Variants in VWA7 observed in about 807,000 individuals in gnomAD.
VWA7 encodes the protein von Willebrand factor A domain containing 7.
Under a neutral mutation model 83.1 loss-of-function variants are expected in VWA7, and 66 were observed. The ratio of observed to expected loss-of-function variants is 0.79; its 90% CI spans 0.65 to 0.98. VWA7 has a LOEUF of 0.98. VWA7 is among the 50% of genes least tolerant of loss of function. The probability of loss-of-function intolerance (pLI) is 0.00; values close to 1 mark genes in which losing one functional copy is unlikely to be tolerated. For synonymous variants in VWA7, 424 were observed against 488.5 expected (o/e 0.87, Z 1.74); for missense variants, 1,080 against 1,160.2 (o/e 0.93, Z 1.00).
chr6:31,776,014 C>A lies in VWA7; in HGVS notation c.463G>T (p.Asp155Tyr), dbSNP rs778102544. 2.9e-5 allele frequency: 47 copies of A among 1,613,132 alleles called. No individual in the cohort carries two copies. The highest frequency in any genetic ancestry group is 3.9e-5 in the Non-Finnish European group (46 of 1,179,978). ...AGGCGCTGGCGAGCCAGGGTGTGGT[C>A]AAGGGCCCTGGCTGCCACCACGGTC... ...RETVVAARAL[D>Y]HTLARQRLGA... is the part of the protein sequence containing the mutation. Residue 155 changes from aspartate to tyrosine, a missense_variant, in exon 3 of 17, where the codon GAC becomes TAC. Coordinates refer to ENST00000375688, the MANE Select transcript of VWA7 (RefSeq NM_025258.3). The surrounding 1 kb of genome is among the most constrained non-coding windows in gnomAD (Gnocchi z 6.2).
Position 31,769,369 on chromosome 6 carries a change from C to A in VWA7, c.1318-166G>T, listed in dbSNP as rs1811947852. ...GAATCCCAATGACAGAACCCCCTGCCTTCAGTTAGTAGTTGGCCACCCCCT... is the reference window on the plus strand; with the variant it reads ...GAATCCCAATGACAGAACCCCCTGCATTCAGTTAGTAGTTGGCCACCCCCT... On this transcript the variant is annotated intron_variant, in intron 9 of 16. Transcript: ENST00000375688. This position sits in a 1 kb window ranked among gnomAD's most constrained non-coding sequence, Gnocchi z 4.5. 6.6e-6 allele frequency among the ~76,000 whole-genome samples: 1 copy of A among 152,168 alleles called. No homozygotes were observed. The highest frequency in any genetic ancestry group is 2.1e-4 in the South Asian group (1 of 4,826).
In VWA7 at chr6:31,776,639, G is replaced by T; in HGVS notation, c.141C>A (p.Asp47Glu). The T allele has an allele frequency of 6.5e-7, 1 of 1,548,478 alleles. No individual in the cohort carries two copies. The highest frequency in any genetic ancestry group is 8.7e-7 in the Non-Finnish European group (1 of 1,145,742). The change falls in exon 2 of 17, where the codon GAC becomes GAA. Residue 47 changes from aspartate (D) to glutamate (E), a missense_variant. Coordinates refer to ENST00000375688, the MANE Select transcript of VWA7 (RefSeq NM_025258.3). This position sits in a 1 kb window ranked among gnomAD's most constrained non-coding sequence, Gnocchi z 6.2. ...LAAPGSITHQ[D>E]LTEEAALNVT... ...CGTTGAGCGCTGCCTCCTCAGTTAG[G>T]TCTTGGTGGGTGATGGAGCCAGGGG...
chr6:31,767,629 G>A lies in VWA7; in HGVS notation c.1629C>T (p.Asn543=), dbSNP rs1474222065. 2 of 1,611,230 alleles carry A rather than the reference G, an allele frequency of 1.2e-6. No individual in the cohort carries two copies. Among genetic ancestry groups the A allele is most frequent in the Non-Finnish European group, 1.7e-6 (2 of 1,177,660 alleles). ...CTCTACCTTCAGAGGTACCTGCAGG[G>A]TTCTTGATCCAGAAGCTGCTGATGT... ...HGDISSFWIK[N]PAGVSQGQEE... Residue 543 remains asparagine, a synonymous_variant, in exon 11 of 17, where the codon AAC becomes AAT. Coordinates refer to ENST00000375688, the MANE Select transcript of VWA7 (RefSeq NM_025258.3).
chr6:31,769,235 T>C lies in VWA7; in HGVS notation c.1318-32A>G. On this transcript the variant is annotated intron_variant, in intron 9 of 16. Transcript: ENST00000375688. The surrounding 1 kb of genome is among the most constrained non-coding windows in gnomAD (Gnocchi z 4.5). ...CCAGAAGAGAGCTCAGTGATTGGGG[T>C]GTCCAAGTGCCATCCACTATTATGA... The C allele has an allele frequency of 6.3e-7, 1 of 1,596,918 alleles. No homozygotes were observed. The highest frequency in any genetic ancestry group is 8.5e-7 in the Non-Finnish European group (1 of 1,171,458).
At position 31,766,224 on chromosome 6, in the gene VWA7, T is replaced by C. The variant is rs1348328767; in HGVS notation, c.2324+21A>G. On this transcript the variant is annotated intron_variant, in intron 15 of 16. Coordinates refer to ENST00000375688, the MANE Select transcript of VWA7 (RefSeq NM_025258.3). The surrounding 1 kb of genome is among the most constrained non-coding windows in gnomAD (Gnocchi z 4.9). ...GGCCGGGCAAGATGCCAGAGGGAGC[T>C]GGAGGGTTCATGAGCCTCACCTGGA... is the stretch of plus-strand genomic sequence containing the variant. 1.9e-6 allele frequency: 3 copies of C among 1,610,832 alleles called. No homozygotes were observed. The highest frequency in any genetic ancestry group is 1.7e-5 in the Admixed American group (1 of 59,908).
chr6:31,775,210 C>T lies in VWA7; in HGVS notation c.610+123G>A. ...GCCAGGCGTTGCTTGGACTGGGGGA[C>T]CTCAGTCCTTGTGGAGATTAAGTAA... On this transcript the variant is annotated intron_variant, in intron 4 of 16. Coordinates refer to ENST00000375688, the MANE Select transcript of VWA7 (RefSeq NM_025258.3). This position sits in a 1 kb window ranked among gnomAD's most constrained non-coding sequence, Gnocchi z 5.9. 1 of 822,272 alleles carries T rather than the reference C, an allele frequency of 1.2e-6. No individual in the cohort carries two copies. The highest frequency in any genetic ancestry group is 1.8e-5 in the African/African-American group (1 of 56,242). 50.9% of individuals were successfully genotyped at this position (822,272 alleles called of 1,614,324 possible).
intron 10 of VWA7, among the ~76,000 whole-genome samples, chr6:31,768,160 A>G (rs1426786365): frequency 1.6e-4 from 24 of 148,026 alleles, no homozygotes; most frequent in Non-Finnish European, 3.1e-4. Flanking sequence ...AAAAAAAAAA[A>G]AAGAAAGAAA....
Position 31,769,983 on chromosome 6 carries a change from A to G in VWA7, c.1200+18T>C, listed in dbSNP as rs374525418. 6.2e-7 allele frequency: 1 copy of G among 1,610,560 alleles called. No individual in the cohort carries two copies. Among genetic ancestry groups the G allele is most frequent in the South Asian group, 1.1e-5 (1 of 91,002 alleles). On this transcript the variant is annotated intron_variant, in intron 8 of 16. Transcript: ENST00000375688. This position sits in a 1 kb window ranked among gnomAD's most constrained non-coding sequence, Gnocchi z 4.5. ...TGGTGGTGGGGCCAGGAAACGGGGA[A>G]GAAGGGAGGGGCCAGACCTGCAGGG...
chr6:31,774,407 T>C lies in VWA7; in HGVS notation c.721+109A>G, dbSNP rs1354001178. Reference sequence around the variant, plus strand: ...CACCCACCCTGTTCCCAGCATCCTCTCCTCCTAGGAGGAGATGCCATAGCA... The same window carrying C: ...CACCCACCCTGTTCCCAGCATCCTCCCCTCCTAGGAGGAGATGCCATAGCA... On this transcript the variant is annotated intron_variant, in intron 5 of 16. Coordinates refer to ENST00000375688, the MANE Select transcript of VWA7 (RefSeq NM_025258.3). 3.8e-6 allele frequency: 4 copies of C among 1,055,134 alleles called. No homozygotes were observed. The South Asian group carries it at 6.2e-5, about 16-fold the overall frequency. 65.4% of individuals were successfully genotyped at this position (1,055,134 alleles called of 1,614,324 possible).
At position 31,773,258 on chromosome 6, in the gene VWA7, C is replaced by T. The variant is rs748885009; in HGVS notation, c.901G>A (p.Asp301Asn). 6.2e-7 allele frequency: 1 copy of T among 1,604,634 alleles called. No individual in the cohort carries two copies. Among genetic ancestry groups the T allele is most frequent in the South Asian group, 1.1e-5 (1 of 89,308 alleles). The part of the protein sequence containing the change: ...AFSLLRSRLG[D>N]RDFSRLLDIT... ...GCCACTCACCTGGAGAAATCCCTGT[C>T]TCCCAGGCGGCTTCGCAGAAGGCTG... The change falls in exon 6 of 17, where the codon GAC becomes AAC. Residue 301 changes from aspartate to asparagine, a missense_variant. Physicochemically the swap from Asp to Asn is conservative, Grantham distance 23. Coordinates refer to ENST00000375688, the MANE Select transcript of VWA7 (RefSeq NM_025258.3). This position sits in a 1 kb window ranked among gnomAD's most constrained non-coding sequence, Gnocchi z 5.3.
intron 7 of VWA7, among the ~76,000 whole-genome samples, chr6:31,772,481 GAGGCT>G (rs1812269578): frequency 2.7e-5 from 4 of 150,348 alleles, no homozygotes; most frequent in African/African-American, 9.8e-5. Context: ...GCACACAGTA[GAGGCT>G]CACTCGGGAC....
rs1197847529 is a variant in VWA7, at chr6:31,766,509, T to C, written c.2138A>G (p.His713Arg). ...AGTGCTAGGCTGAGGGGCAGCCCTGTGCAGGCGCCGCCCCGCTGCGTCCTG... is the reference window on the plus strand; with the variant it reads ...AGTGCTAGGCTGAGGGGCAGCCCTGCGCAGGCGCCGCCCCGCTGCGTCCTG... ...IGQDAAGRRL[H>R]RAAPQPSTVV... The change falls in exon 14 of 17, where the codon CAC becomes CGC. Residue 713 changes from histidine (H) to arginine (R), a missense_variant. His to Arg is a conservative substitution (Grantham distance 29). Coordinates refer to ENST00000375688, the MANE Select transcript of VWA7 (RefSeq NM_025258.3). This position sits in a 1 kb window ranked among gnomAD's most constrained non-coding sequence, Gnocchi z 4.9. 6.2e-7 allele frequency: 1 copy of C among 1,607,032 alleles called. No individual in the cohort carries two copies. The highest frequency in any genetic ancestry group is 8.5e-7 in the Non-Finnish European group (1 of 1,176,284).
intron 7 of VWA7, 25 bp from the exon 8 acceptor site, chr6:31,770,138 A>G (rs1196388756): frequency 1.9e-6 from 3 of 1,596,794 alleles, no homozygotes; most frequent in Non-Finnish European, 1.7e-6. Context: ...GGAGGTTAAG[A>G]TAAGTGAGGA....
At position 31,767,220 on chromosome 6, in the gene VWA7, A is replaced by G; in HGVS notation, c.1820T>C (p.Phe607Ser). 6.2e-7 allele frequency: 1 copy of G among 1,605,968 alleles called. No homozygotes were observed. Among genetic ancestry groups the G allele is most frequent in the Non-Finnish European group, 8.5e-7 (1 of 1,177,354 alleles). Residue 607 changes from phenylalanine to serine, a missense_variant, in exon 13 of 17, where the codon TTT becomes TCT. Physicochemically the swap from Phe to Ser is radical, Grantham distance 155. Coordinates refer to ENST00000375688, the MANE Select transcript of VWA7 (RefSeq NM_025258.3). ...GGGTCCATCCTCCATGGGGATCCCAAAGTGGAAGAGGAAGTCCAGGGAGGT... is the reference window on the plus strand; with the variant it reads ...GGGTCCATCCTCCATGGGGATCCCAGAGTGGAAGAGGAAGTCCAGGGAGGT... The part of the protein sequence containing the change: ...AQTSLDFLFH[F>S]GIPMEDGPHP...
chr6:31,771,966 G>A (rs761845575), intron 7 of VWA7: 1 of 141,680 alleles, frequency 7.1e-6, no homozygotes, highest in Admixed American at 7.3e-5. Flanking sequence ...ACTCCAGCCT[G>A]GGCGACAGAG....
chr6:31,776,958 C>T lies in VWA7; in HGVS notation c.-16+151G>A, dbSNP rs544830976. ...CACCCAGACAACCTGAGGGCCTCAT[C>T]GGACCATTAGGGACATACACACCTG... On this transcript the variant is annotated intron_variant, in intron 1 of 16. Transcript: ENST00000375688. This position sits in a 1 kb window ranked among gnomAD's most constrained non-coding sequence, Gnocchi z 6.2. 15 of 466,738 alleles carry T rather than the reference C, an allele frequency of 3.2e-5. No homozygotes were observed. The South Asian group carries it at 5.3e-4, about 17-fold the overall frequency. 28.9% of individuals were successfully genotyped at this position (466,738 alleles called of 1,614,324 possible).
chr6:31,775,981 C>T lies in VWA7; in HGVS notation c.496G>A (p.Ala166Thr). ...HTLARQRLGA[A>T]LHALQDFYSH... Reference sequence around the variant, plus strand: ...GTTCTCACCTGCAGGGCATGAAGTGCAGCCCCGAGGCGCTGGCGAGCCAGG... The same window carrying T: ...GTTCTCACCTGCAGGGCATGAAGTGTAGCCCCGAGGCGCTGGCGAGCCAGG... Residue 166 changes from alanine to threonine, a missense_variant, in exon 3 of 17, where the codon GCA becomes ACA. By Grantham distance (58) the Ala-to-Thr change is moderately conservative (BLOSUM62 0). Transcript: ENST00000375688. The surrounding 1 kb of genome is among the most constrained non-coding windows in gnomAD (Gnocchi z 5.9). 6.2e-7 allele frequency: 1 copy of T among 1,610,698 alleles called. No homozygotes were observed. The highest frequency in any genetic ancestry group is 8.5e-7 in the Non-Finnish European group (1 of 1,178,950).
intron 10 of VWA7, 102 bp downstream of exon 10, chr6:31,768,916 G>A: frequency 7.9e-7 from 1 of 1,272,254 alleles, no homozygotes. Context: ...GTGACTGGAA[G>A]AACAACACAG....
rs1048813969 is a variant in VWA7 at position 31,775,988 on chromosome 6, G to A, written c.489C>T (p.Leu163=). Residue 163 remains leucine (L), a synonymous_variant, in exon 3 of 17, where the codon CTC becomes CTT. Transcript: ENST00000375688. The surrounding 1 kb of genome is among the most constrained non-coding windows in gnomAD (Gnocchi z 5.9). Reference sequence around the variant, plus strand: ...CCTGCAGGGCATGAAGTGCAGCCCCGAGGCGCTGGCGAGCCAGGGTGTGGT... The same window carrying A: ...CCTGCAGGGCATGAAGTGCAGCCCCAAGGCGCTGGCGAGCCAGGGTGTGGT... ...ALDHTLARQR[L]GAALHALQDF... 1.9e-6 allele frequency: 3 copies of A among 1,611,798 alleles called. No homozygotes were observed. Among genetic ancestry groups the A allele is most frequent in the African/African-American group, 1.3e-5 (1 of 74,890 alleles).
Sources: gnomAD v4.1 joint callset for allele counts (sites outside exome capture counted in the v4.1 genomes callset) on GRCh38, gnomAD v4.1.1 for gene constraint, Gnocchi (gnomAD v3.1) non-coding constraint, MANE v1.5 for transcripts, NCBI Gene and HGNC (gene_info 2026-07-23, HGNC 2026-07-21) for gene names.